Variants in CLDN14 observed in about 807,000 individuals in gnomAD.
The protein encoded by CLDN14 is claudin 14, also known as claudin-14.
A neutral mutation model predicts 2.1 loss-of-function variants in CLDN14; 2 were observed. That is an observed-to-expected ratio of 0.96 (90% confidence interval 0.39 to 3.01). CLDN14 has a LOEUF of 3.01. Ranked by LOEUF, CLDN14 falls within the 30% of genes most tolerant of loss-of-function variation. The pLI is 0.09. For missense variants in CLDN14, 298 were observed against 328.0 expected (o/e 0.91, Z 0.71); for synonymous variants, 136 against 154.4 (o/e 0.88, Z 0.88).
At chr21:36,501,331 A>ATTTTTTT (rs1471992472) in intron 2 of CLDN14, among the ~76,000 whole-genome samples, 1 of 35,108 alleles carries the variant, frequency 2.8e-5, no homozygotes, top group Non-Finnish European at 8.2e-5. Flanking sequence ...TCAATATCTC[A>ATTTTTTT]CTTTTTTTTT....
At chr21:36,568,851 G>A (rs2087690157) in intron 1 of CLDN14, among the ~76,000 whole-genome samples, 1 of 152,186 alleles carries the variant, frequency 6.6e-6, no homozygotes, top group Non-Finnish European at 1.5e-5. Context: ...CACTGAACAG[G>A]CCATTTGTAT....
chr21:36,481,624 G>A (rs575366812), upstream of CLDN14, among the ~76,000 whole-genome samples: 20 of 152,160 alleles, frequency 1.3e-4, no homozygotes, highest in Non-Finnish European at 2.8e-4. Flanking sequence ...TGAAATGGAC[G>A]TAACGTTCTG....
At chr21:36,525,020 G>A (rs573873524) in intron 1 of CLDN14, among the ~76,000 whole-genome samples, 48 of 152,242 alleles carry the variant, frequency 3.2e-4, no homozygotes, top group African/African-American at 1.1e-3. Flanking sequence ...TCTCATGGGC[G>A]CTGCTCCGAC....
chr21:36,558,115 T>C (rs1392005713), intron 1 of CLDN14, among the ~76,000 whole-genome samples: 2 of 152,190 alleles, frequency 1.3e-5, no homozygotes, highest in African/African-American at 4.8e-5. Flanking sequence ...TATTTCTGGG[T>C]TCTTTATTCT....
intron 1 of CLDN14, among the ~76,000 whole-genome samples, chr21:36,513,388 G>A (rs1009409921): frequency 2.6e-5 from 4 of 152,238 alleles, no homozygotes; most frequent in Admixed American, 1.3e-4. Flanking sequence ...GAGGATGTTG[G>A]TAGAAAGATG....
intron 1 of CLDN14, among the ~76,000 whole-genome samples, chr21:36,573,662 C>G (rs901970353): frequency 1.3e-5 from 2 of 152,034 alleles, no homozygotes; most frequent in Non-Finnish European, 2.9e-5. Flanking sequence ...TATTTTATAT[C>G]AAGAAAAATC....
At chr21:36,478,969 A>C (rs1449851873) in intron 1 of CLDN14, among the ~76,000 whole-genome samples, 1 of 151,940 alleles carries the variant, frequency 6.6e-6, no homozygotes, top group East Asian at 1.9e-4. Flanking sequence ...GAGATCTATC[A>C]CTTCCCCCCC....
intron 1 of CLDN14, among the ~76,000 whole-genome samples, chr21:36,563,220 G>A (rs1221041772): frequency 1.3e-5 from 2 of 152,178 alleles, no homozygotes; most frequent in African/African-American, 4.8e-5. Context: ...GCTTTGAAGG[G>A]TTTCATCTAG....
intron 2 of CLDN14, among the ~76,000 whole-genome samples, chr21:36,494,039 A>G (rs2086993167): frequency 6.6e-6 from 1 of 152,220 alleles, no homozygotes; most frequent in African/African-American, 2.4e-5. Flanking sequence ...AGAGCCCCCA[A>G]GAGCAGGACC....
chr21:36,549,945 T>A (rs1308152529), intron 1 of CLDN14, among the ~76,000 whole-genome samples: 1 of 152,248 alleles, frequency 6.6e-6, no homozygotes, highest in East Asian at 1.9e-4. Context: ...CTCAACATCT[T>A]TCTCCTGTGA....
At chr21:36,564,159 G>A (rs1226434310) in intron 1 of CLDN14, among the ~76,000 whole-genome samples, 1 of 152,210 alleles carries the variant, frequency 6.6e-6, no homozygotes, top group Non-Finnish European at 1.5e-5. Context: ...CTCAGTGTTT[G>A]TCAGCAAAAT....
At chr21:36,559,283 G>A (rs1024712303) in intron 1 of CLDN14, among the ~76,000 whole-genome samples, 7 of 151,960 alleles carry the variant, frequency 4.6e-5, no homozygotes, top group Non-Finnish European at 2.9e-5. Flanking sequence ...TGTAACCTCC[G>A]CCTCCTGGGT....
intron 1 of CLDN14, among the ~76,000 whole-genome samples, chr21:36,547,240 C>T (rs879264021): frequency 1.3e-5 from 2 of 152,066 alleles, no homozygotes; most frequent in South Asian, 2.1e-4. Flanking sequence ...AACTAGTTGA[C>T]GGTGGTTGTC....
intron 2 of CLDN14, among the ~76,000 whole-genome samples, chr21:36,489,131 A>AAAAAAAAAAAAAATATATAT: frequency 1.3e-4 from 8 of 62,748 alleles, no homozygotes; most frequent in Non-Finnish European, 8.9e-5. Flanking sequence ...AAAAAAAAAA[A>AAAAAAAAAAAAAATATATAT]ATATATATAT....
chr21:36,475,289 G>A (rs1431011311), intron 1 of CLDN14, among the ~76,000 whole-genome samples: 2 of 152,206 alleles, frequency 1.3e-5, no homozygotes, highest in African/African-American at 2.4e-5. Flanking sequence ...ACATCATGGC[G>A]GGCCGTGGCG....
chr21:36,536,535 C>G (rs1394300387), intron 1 of CLDN14, among the ~76,000 whole-genome samples: 1 of 152,114 alleles, frequency 6.6e-6, no homozygotes, highest in Non-Finnish European at 1.5e-5. Context: ...CTCCATGGGA[C>G]AAATTATTTT....
At chr21:36,523,584 T>A (rs2087289954) in intron 1 of CLDN14, among the ~76,000 whole-genome samples, 1 of 150,954 alleles carries the variant, frequency 6.6e-6, no homozygotes, top group African/African-American at 2.4e-5. Context: ...CCATTCCTAC[T>A]AAAAATACAA....
intron 1 of CLDN14, among the ~76,000 whole-genome samples, chr21:36,554,244 G>C (rs569552061): frequency 1.3e-5 from 2 of 152,088 alleles, no homozygotes; most frequent in African/African-American, 4.8e-5. Flanking sequence ...CCCTGGGCTC[G>C]GCGGTGCCTC....
chr21:36,496,217 T>C (rs979003631), intron 2 of CLDN14, among the ~76,000 whole-genome samples: 8 of 151,880 alleles, frequency 5.3e-5, no homozygotes, highest in Non-Finnish European at 1.0e-4. Context: ...AGGAGGATCA[T>C]TGGAGTCCAG....
Sources: gnomAD v4.1 joint callset for allele counts (sites outside exome capture counted in the v4.1 genomes callset) on GRCh38, gnomAD v4.1.1 for gene constraint, MANE v1.5 for transcripts, NCBI Gene and HGNC (gene_info 2026-07-23, HGNC 2026-07-21) for gene names.